The following CDYL variants were observed in gnomAD, a reference collection of about 807,000 sequenced individuals.
CDYL encodes chromodomain Y-like protein.
CDYL carries 8 observed loss-of-function variants against 47.3 expected under a neutral mutation model. The observed-to-expected ratio is 0.17, with a 90% CI of 0.10 to 0.31. The LOEUF (loss-of-function observed/expected upper bound fraction) is 0.31, where lower values mean the gene tolerates loss of function less well. Ranked by LOEUF, CDYL falls within the 10% of genes least tolerant of loss-of-function variation. The pLI is 1.00. For synonymous variants in CDYL, 266 were observed against 265.0 expected (o/e 1.00, Z -0.04); for missense variants, 471 against 701.4 (o/e 0.67, Z 3.71).
chr6:4,891,351 C>G (rs1312647211), intron 1 of CDYL, among the ~76,000 whole-genome samples: 2 of 152,164 alleles, frequency 1.3e-5, no homozygotes, highest in Admixed American at 1.3e-4. Flanking sequence ...CTGCTGGAAC[C>G]CTGGGATGAC....
At chr6:4,841,959 A>C (rs1297863365) in intron 1 of CDYL, among the ~76,000 whole-genome samples, 1 of 146,252 alleles carries the variant, frequency 6.8e-6, no homozygotes, top group African/African-American at 2.5e-5. Context: ...TTGACTTTAT[A>C]TTAATATTAT....
At chr6:4,933,273 C>A (rs1457382309) in intron 2 of CDYL, among the ~76,000 whole-genome samples, 1 of 152,196 alleles carries the variant, frequency 6.6e-6, no homozygotes, top group Non-Finnish European at 1.5e-5. Context: ...CTCCCCTGAT[C>A]TAGATGTGCA....
At chr6:4,828,232 G>GA (rs1554100784) in intron 1 of CDYL, among the ~76,000 whole-genome samples, 1 of 134,458 alleles carries the variant, frequency 7.4e-6, no homozygotes, top group African/African-American at 2.8e-5. Context: ...CTTTTAACAG[G>GA]TTTTTTTTTT....
intron 1 of CDYL, among the ~76,000 whole-genome samples, chr6:4,794,261 G>T (rs971771879): frequency 6.6e-6 from 1 of 152,122 alleles, no homozygotes; most frequent in Non-Finnish European, 1.5e-5. Flanking sequence ...AGAACCGAGA[G>T]ATAGTGGTGC....
intron 1 of CDYL, among the ~76,000 whole-genome samples, chr6:4,866,459 TACAA>T (rs1761325703): frequency 6.6e-6 from 1 of 152,136 alleles, no homozygotes; most frequent in Non-Finnish European, 1.5e-5. Context: ...TTTAAAAGAC[TACAA>T]ACAACTGCAT....
chr6:4,770,132 G>A (rs893687781), intron 3 of CDYL, among the ~76,000 whole-genome samples: 4 of 152,044 alleles, frequency 2.6e-5, no homozygotes, highest in East Asian at 1.9e-4. Context: ...CCATGGCGCC[G>A]GGCCAACATT....
chr6:4,944,158 T>C (rs1384377167), intron 5 of CDYL, among the ~76,000 whole-genome samples: 4 of 152,266 alleles, frequency 2.6e-5, no homozygotes, highest in Non-Finnish European at 5.9e-5. Context: ...TTTATTTCTT[T>C]AACTGTTTAA....
intron 1 of CDYL, among the ~76,000 whole-genome samples, chr6:4,850,124 T>G (rs1760780589): frequency 1.3e-5 from 2 of 152,224 alleles, no homozygotes; most frequent in African/African-American, 4.8e-5. Context: ...GCCTTATAAT[T>G]GCACATAGGA....
chr6:4,883,190 G>A (rs1761810105), intron 1 of CDYL, among the ~76,000 whole-genome samples: 2 of 152,174 alleles, frequency 1.3e-5, no homozygotes, highest in African/African-American at 4.8e-5. Context: ...TGGAAGGAGA[G>A]CAACAATGCT....
rs1007132502 is a variant in CDYL at position 4,801,020 on chromosome 6, A to C, written c.24+24213A>C. ...CTTTCCTCTCTCTAGAGTCCAATTA[A>C]GGTACTGCTTCCTGTTGTCACATTT... On this transcript the variant is annotated intron_variant, in intron 1 of 6. Coordinates refer to ENST00000397588, the MANE Select transcript of CDYL (RefSeq NM_004824.4). Among the ~76,000 whole-genome samples the C allele has an allele frequency of 7.2e-5, 11 of 152,318 alleles. No individual in the cohort carries two copies. The East Asian group carries it at 2.1e-3, about 29-fold the overall frequency.
At chr6:4,755,070 T>C (rs1048320554) in intron 3 of CDYL, among the ~76,000 whole-genome samples, 3 of 152,112 alleles carry the variant, frequency 2.0e-5, no homozygotes, top group African/African-American at 7.2e-5. Context: ...TGTTTTGTTT[T>C]GTTTTTGAGA....
At chr6:4,936,854 G>T (rs1361119926) in intron 3 of CDYL, among the ~76,000 whole-genome samples, 2 of 151,966 alleles carry the variant, frequency 1.3e-5, no homozygotes, top group South Asian at 4.1e-4. Flanking sequence ...TCTAAGAGCC[G>T]CAATGGCTGT....
chr6:4,736,770 C>T (rs12665390), intron 3 of CDYL, among the ~76,000 whole-genome samples: 29,412 of 151,118 alleles, frequency 0.19, 2,922 homozygotes, highest in Admixed American at 0.22. Context: ...GCACATGAAA[C>T]ATTGAAAAGG....
At chr6:4,767,755 T>C (rs563978906) in intron 3 of CDYL, among the ~76,000 whole-genome samples, 26 of 152,324 alleles carry the variant, frequency 1.7e-4, no homozygotes, top group African/African-American at 6.0e-4. Flanking sequence ...CTTTACTCAA[T>C]GTCATATTGG....
At chr6:4,813,937 T>A (rs1472595679) in intron 1 of CDYL, among the ~76,000 whole-genome samples, 2 of 164 alleles carry the variant, frequency 0.012, no homozygotes. Flanking sequence ...GCCTGGCTAA[T>A]TTTTTTTTTT....
chr6:4,906,440 C>T (rs1330249640), intron 2 of CDYL, among the ~76,000 whole-genome samples: 26 of 152,214 alleles, frequency 1.7e-4, no homozygotes, highest in Admixed American at 1.7e-3. Flanking sequence ...TGACCCTTCT[C>T]TGGGAGTGCG....
chr6:4,731,802 C>T (rs780378764), intron 2 of CDYL, among the ~76,000 whole-genome samples: 16 of 150,286 alleles, frequency 1.1e-4, no homozygotes, highest in Admixed American at 8.0e-4. Context: ...GCCTGAGTGA[C>T]AGAGAAAGAC....
At chr6:4,722,832 G>A (rs573986586) in intron 2 of CDYL, among the ~76,000 whole-genome samples, 1 of 152,260 alleles carries the variant, frequency 6.6e-6, no homozygotes, top group Admixed American at 6.5e-5. Flanking sequence ...AGCCAAGATC[G>A]TGCCACCGTA....
intron 1 of CDYL, among the ~76,000 whole-genome samples, chr6:4,851,217 C>A (rs1427991367): frequency 1.3e-5 from 2 of 152,164 alleles, no homozygotes; most frequent in South Asian, 4.1e-4. Context: ...CCAAAGTTAC[C>A]TTTGGTTTTC....
Sources: gnomAD v4.1 joint callset for allele counts (sites outside exome capture counted in the v4.1 genomes callset) on GRCh38, gnomAD v4.1.1 for gene constraint, MANE v1.5 for transcripts, NCBI Gene and HGNC (gene_info 2026-07-23, HGNC 2026-07-21) for gene names.